The following U2SURP variants were observed in gnomAD, a reference collection of about 807,000 sequenced individuals.
U2SURP encodes U2 snRNP-associated SURP motif-containing protein.
A neutral mutation model predicts 144.9 loss-of-function variants in U2SURP; 9 were observed. The ratio of observed to expected loss-of-function variants is 0.06; its 90% CI spans 0.04 to 0.11. The LOEUF (loss-of-function observed/expected upper bound fraction) is 0.11, where lower values mean the gene tolerates loss of function less well. U2SURP is among the 10% of genes least tolerant of loss of function. The pLI, the probability that U2SURP is intolerant of heterozygous loss-of-function variation, is 1.00. For synonymous variants in U2SURP, 408 were observed against 396.8 expected, an observed-to-expected ratio of 1.03 and a Z score of -0.33; for missense variants, 724 against 1,226.7, an observed-to-expected ratio of 0.59 and a Z score of 6.12.
At chr3:143,050,912 T>A (rs562699941) in intron 24 of U2SURP, 27 bp from the exon 25 acceptor site, 1 of 1,472,816 alleles carries the variant, frequency 6.8e-7, no homozygotes, top group African/African-American at 1.4e-5. Flanking sequence ...ATGAAAATGC[T>A]TATTTTTAAA....
At chr3:143,022,778 T>C in intron 11 of U2SURP, 75 bp from the exon 12 acceptor site, 1 of 1,464,302 alleles carries the variant, frequency 6.8e-7, no homozygotes, top group East Asian at 2.5e-5. Flanking sequence ...ATGAAAATTA[T>C]TTCAACTCAC....
intron 12 of U2SURP, 23 bp downstream of exon 12, chr3:143,023,087 G>A: frequency 6.5e-7 from 1 of 1,544,254 alleles, no homozygotes; most frequent in African/African-American, 1.4e-5. Context: ...ATGGACATAA[G>A]GCCGCATCTA....
chr3:143,051,418 G>T, intron 25 of U2SURP, among the ~76,000 whole-genome samples: 1 of 151,998 alleles, frequency 6.6e-6, no homozygotes, highest in East Asian at 1.9e-4. Context: ...GGGAAGTTCT[G>T]GTGTTGAGAA....
At chr3:143,003,463 C>T (rs1277550433) in intron 1 of U2SURP, among the ~76,000 whole-genome samples, 4 of 152,028 alleles carry the variant, frequency 2.6e-5, no homozygotes, top group Non-Finnish European at 4.4e-5. Context: ...AGATATAATT[C>T]TTTTTTTACA....
At position 143,037,161 on chromosome 3, in the gene U2SURP, T is replaced by A. The variant is rs370458581; in HGVS notation, c.2065-18T>A. ...CAGCAAGCAAAGGAAAATGTTATAA[T>A]AGTACACATTTCCATAGGATGTTCC... On this transcript the variant is annotated intron_variant, in intron 20 of 27. Coordinates refer to ENST00000473835, the MANE Select transcript of U2SURP (RefSeq NM_001080415.2). 9.3e-6 allele frequency: 15 copies of A among 1,605,514 alleles called. No individual in the cohort carries two copies. The highest frequency in any genetic ancestry group is 1.3e-5 in the Non-Finnish European group (15 of 1,175,658).
chr3:143,004,574 C>CA (rs1491267667), intron 1 of U2SURP, among the ~76,000 whole-genome samples: 1 of 37,666 alleles, frequency 2.7e-5, no homozygotes, highest in Non-Finnish European at 5.9e-5. Flanking sequence ...GACCTTGTGA[C>CA]CCCCCCCCCC....
chr3:143,036,712 T>C (rs1422534481), intron 20 of U2SURP, among the ~76,000 whole-genome samples: 2 of 152,172 alleles, frequency 1.3e-5, no homozygotes, highest in Admixed American at 6.5e-5. Context: ...CTGGGACTTA[T>C]CTTCACCTGA....
rs983504237 is a variant in U2SURP at position 143,009,145 on chromosome 3, G to T, written c.46-1670G>T. 2.0e-5 allele frequency among the ~76,000 whole-genome samples: 3 copies of T among 152,218 alleles called. No homozygotes were observed. The South Asian group carries it at 6.2e-4, about 32-fold the overall frequency. ...TGGATTTTTAAATTTCTAGATATTT[G>T]TAAATTTATGCATTTCAAGATATGT... On this transcript the variant is annotated intron_variant, in intron 1 of 27. Transcript: ENST00000473835.
Position 143,014,418 on chromosome 3 carries a change from G to A in U2SURP, c.321+9G>A. On this transcript the variant is annotated intron_variant, in intron 4 of 27. Coordinates refer to ENST00000473835, the MANE Select transcript of U2SURP (RefSeq NM_001080415.2). ...AAGAATTAAAGAAAAAGGTAATGTT[G>A]AAAATGTATTTTGAATTATCCTTGG... is the stretch of plus-strand genomic sequence containing the variant. The A allele has an allele frequency of 6.4e-7, 1 of 1,558,976 alleles. No individual in the cohort carries two copies. Among genetic ancestry groups the A allele is most frequent in the Middle Eastern group, 1.7e-4 (1 of 5,932 alleles).
chr3:143,020,839 G>A, intron 8 of U2SURP, 146 bp downstream of exon 8: 1 of 613,592 alleles, frequency 1.6e-6, no homozygotes, highest in Non-Finnish European at 2.8e-6. Flanking sequence ...ATTCATAGCT[G>A]TGGTAAAAAT....
rs10550292 is a variant in U2SURP at position 143,041,969 on chromosome 3, T to TACAC, written c.2385-1128_2385-1125dup. Among the ~76,000 whole-genome samples the TACAC allele has an allele frequency of 5.9e-3, 876 of 149,512 alleles. 4 individuals are homozygous for TACAC. The highest frequency in any genetic ancestry group is 8.1e-3 in the Non-Finnish European group (540 of 66,904). Reference sequence around the variant, plus strand: ...TGCCCAGATTTATTTGCCAATAGTATACACACACACACACACACACACAAC... The same window carrying TACAC: ...TGCCCAGATTTATTTGCCAATAGTATACACACACACACACACACACACACACAAC... On this transcript the variant is annotated intron_variant, in intron 23 of 27. Coordinates refer to ENST00000473835, the MANE Select transcript of U2SURP (RefSeq NM_001080415.2).
chr3:143,036,342 T>G (rs1047280049), intron 20 of U2SURP, among the ~76,000 whole-genome samples: 2 of 150,944 alleles, frequency 1.3e-5, no homozygotes, highest in Non-Finnish European at 3.0e-5. Flanking sequence ...TTTAATGATA[T>G]AAGAGTTATG....
intron 3 of U2SURP, 94 bp from the exon 4 acceptor site, chr3:143,014,217 G>A (rs1936253507): frequency 1.4e-6 from 1 of 713,010 alleles, no homozygotes; most frequent in East Asian, 3.1e-5. Context: ...AAAAACGGCA[G>A]TCTATTCTGA....
intron 21 of U2SURP, among the ~76,000 whole-genome samples, chr3:143,037,845 A>C (rs1265616952): frequency 1.3e-5 from 2 of 152,110 alleles, no homozygotes; most frequent in Non-Finnish European, 2.9e-5. Context: ...AAAGATATTA[A>C]AGATTTGTTT....
At chr3:143,054,284 C>T (rs1057466118) in intron 26 of U2SURP, among the ~76,000 whole-genome samples, 2 of 152,258 alleles carry the variant, frequency 1.3e-5, no homozygotes, top group Admixed American at 6.5e-5. Flanking sequence ...CTCACGGTTC[C>T]TAAATCTCTG....
At chr3:143,038,080 G>C (rs751913624) in intron 21 of U2SURP, 28 bp from the exon 22 acceptor site, 19 of 1,547,444 alleles carry the variant, frequency 1.2e-5, no homozygotes, top group Non-Finnish European at 1.6e-5. Context: ...CTAGTAGTCA[G>C]GGTTAATGGC....
At chr3:143,007,742 C>T (rs749016471) in intron 1 of U2SURP, among the ~76,000 whole-genome samples, 1 of 152,064 alleles carries the variant, frequency 6.6e-6, no homozygotes, top group Non-Finnish European at 1.5e-5. Flanking sequence ...CGCGCCCGGC[C>T]GACTTCAGGA....
At chr3:143,036,167 AGTT>A (rs1439948561) in intron 20 of U2SURP, 63 bp downstream of exon 20, 1 of 1,514,226 alleles carries the variant, frequency 6.6e-7, no homozygotes, top group African/African-American at 1.4e-5. Context: ...GGTTTCTTGG[AGTT>A]GTTCTGTGTT....
intron 1 of U2SURP, among the ~76,000 whole-genome samples, chr3:143,009,622 G>C (rs1015446979): frequency 6.6e-6 from 1 of 151,718 alleles, no homozygotes; most frequent in Non-Finnish European, 1.5e-5. Context: ...ATGAAAGAAA[G>C]AATGAGATGG....
Sources: allele counts gnomAD v4.1 joint callset (sites outside exome capture counted in the v4.1 genomes callset), GRCh38; gene constraint gnomAD v4.1.1; transcripts MANE v1.5; gene names NCBI Gene and HGNC (gene_info 2026-07-23, HGNC 2026-07-21).